Variants in ANKFN1 observed in about 807,000 individuals in gnomAD.
The protein encoded by ANKFN1 is ankyrin repeat and fibronectin type III domain containing 1.
Under a neutral mutation model 108.7 loss-of-function variants are expected in ANKFN1, and 74 were observed. The ratio of observed to expected loss-of-function variants is 0.68; its 90% CI spans 0.56 to 0.83. ANKFN1 has a LOEUF of 0.83. Ranked by LOEUF, ANKFN1 falls within the 40% of genes least tolerant of loss-of-function variation. The probability of loss-of-function intolerance (pLI) is 0.00; values close to 1 mark genes in which losing one functional copy is unlikely to be tolerated. For missense variants in ANKFN1, 1,505 were observed against 1,382.3 expected (o/e 1.09, Z -1.41); for synonymous variants, 547 against 516.2 (o/e 1.06, Z -0.81).
chr17:56,324,495 AC>A (rs564921178), intron 3 of ANKFN1, among the ~76,000 whole-genome samples: 275 of 152,128 alleles, frequency 1.8e-3, no homozygotes, highest in African/African-American at 6.2e-3. Context: ...CTGTGAGGCA[AC>A]CCCCTAACCT....
chr17:56,424,681 C>T (rs2048503573), intron 8 of ANKFN1, among the ~76,000 whole-genome samples: 1 of 152,146 alleles, frequency 6.6e-6, no homozygotes, highest in South Asian at 2.1e-4. Flanking sequence ...TCTGCTTTTG[C>T]CTGACGGAGT....
intron 1 of ANKFN1, among the ~76,000 whole-genome samples, chr17:56,194,713 A>T (rs1401450674): frequency 1.3e-5 from 2 of 152,186 alleles, no homozygotes; most frequent in Admixed American, 6.5e-5. Flanking sequence ...TACAACACTG[A>T]GAGTTAACCC....
chr17:56,200,824 C>T (rs1913992044), intron 1 of ANKFN1, among the ~76,000 whole-genome samples: 1 of 152,196 alleles, frequency 6.6e-6, no homozygotes, highest in Non-Finnish European at 1.5e-5. Context: ...GAAGCAGAGG[C>T]AATCTATTAG....
At chr17:56,225,553 G>A (rs901202420) in intron 2 of ANKFN1, among the ~76,000 whole-genome samples, 1 of 152,168 alleles carries the variant, frequency 6.6e-6, no homozygotes, top group East Asian at 1.9e-4. Context: ...GAGGGGAGGG[G>A]ATGTGTTATT....
Position 56,466,531 on chromosome 17 carries a change from A to C in ANKFN1, c.1733A>C (p.Glu578Ala), listed in dbSNP as rs769767751. The C allele has an allele frequency of 1.2e-6, 2 of 1,613,674 alleles. No individual in the cohort carries two copies. Among genetic ancestry groups the C allele is most frequent in the South Asian group, 2.2e-5 (2 of 91,024 alleles). Residue 578 changes from glutamate to alanine, a missense_variant, in exon 15 of 21, where the codon GAG becomes GCG. Physicochemically the swap from Glu to Ala is moderately radical, Grantham distance 107. Coordinates refer to ENST00000682825, the MANE Select transcript of ANKFN1 (RefSeq NM_001370326.1). The part of the protein sequence containing the change: ...QSQRKSLSTP[E>A]EPTALDILLI... ...CAGAGAAAGTCTCTATCAACACCTGAGGAGCCAACAGCTTTAGACATTCTA... is the reference window on the plus strand; with the variant it reads ...CAGAGAAAGTCTCTATCAACACCTGCGGAGCCAACAGCTTTAGACATTCTA...
chr17:56,466,950 CA>C (rs555950902), intron 15 of ANKFN1, among the ~76,000 whole-genome samples: 15 of 151,764 alleles, frequency 9.9e-5, no homozygotes, highest in Non-Finnish European at 2.1e-4. Flanking sequence ...ACTAAAAATA[CA>C]AAAAAATAAA....
chr17:56,308,564 G>A (rs1017571097), intron 3 of ANKFN1, among the ~76,000 whole-genome samples: 25 of 151,748 alleles, frequency 1.6e-4, no homozygotes, highest in African/African-American at 5.6e-4. Context: ...GCCTTTTATT[G>A]CATTTTCTTG....
chr17:56,375,117 A>G (rs186468063), intron 8 of ANKFN1, among the ~76,000 whole-genome samples: 30 of 152,298 alleles, frequency 2.0e-4, no homozygotes, highest in African/African-American at 7.0e-4. Context: ...AAAGCTAGGT[A>G]ACAGGGTTGG....
chr17:56,420,114 C>T (rs771500636), intron 8 of ANKFN1, among the ~76,000 whole-genome samples: 16 of 152,198 alleles, frequency 1.1e-4, no homozygotes, highest in Admixed American at 5.9e-4. Flanking sequence ...ATTCCCTCTG[C>T]ATGACATGCC....
chr17:56,318,375 G>T (rs1423733961), intron 3 of ANKFN1, among the ~76,000 whole-genome samples: 2 of 152,034 alleles, frequency 1.3e-5, no homozygotes, highest in East Asian at 3.9e-4. Flanking sequence ...TCCTTAAACT[G>T]GGAAAAAGTA....
chr17:56,352,509 T>C (rs2046272704), intron 5 of ANKFN1, among the ~76,000 whole-genome samples: 1 of 152,206 alleles, frequency 6.6e-6, no homozygotes, highest in Non-Finnish European at 1.5e-5. Context: ...GATGTGTAAA[T>C]AATACGTGTG....
chr17:56,494,447 G>C (rs2051133808), intron 19 of ANKFN1, among the ~76,000 whole-genome samples: 1 of 152,052 alleles, frequency 6.6e-6, no homozygotes, highest in Admixed American at 6.6e-5. Flanking sequence ...AGCATAGTAA[G>C]AATAACAACA....
In ANKFN1 at chr17:56,102,535, C is replaced by T. The variant is rs148617400; in HGVS notation, c.288+56210C>T. Among the ~76,000 whole-genome samples, 200 of 152,124 alleles carry T rather than the reference C, an allele frequency of 1.3e-3. 1 individual carries two copies. Among genetic ancestry groups the T allele is most frequent in the African/African-American group, 4.5e-3 (188 of 41,510 alleles). The stretch of plus-strand genomic sequence containing the variant: ...TTCATGAATAGGGAACATCTCATTC[C>T]CTGACAGTGTCATATGAAGCAGTGG... On this transcript the variant is annotated intron_variant, in intron 4 of 12. Transcript: ENST00000635860.
At chr17:56,292,949 A>G (rs1313423992) in intron 3 of ANKFN1, among the ~76,000 whole-genome samples, 1 of 152,226 alleles carries the variant, frequency 6.6e-6, no homozygotes. Flanking sequence ...CCAGTGAAGC[A>G]TCTTTCCTTG....
At chr17:56,293,490 T>G (rs2044421933) in intron 3 of ANKFN1, among the ~76,000 whole-genome samples, 1 of 152,224 alleles carries the variant, frequency 6.6e-6, no homozygotes, top group Admixed American at 6.5e-5. Context: ...CAATGTATTC[T>G]TGCACATATG....
intron 8 of ANKFN1, 122 bp downstream of exon 8, chr17:56,374,836 C>G: frequency 1.3e-6 from 1 of 743,264 alleles, no homozygotes; most frequent in Middle Eastern, 2.5e-4. Context: ...ATCCCATTGA[C>G]TTTTGAAGTT....
Position 56,482,537 on chromosome 17 carries a change from G to A in ANKFN1, c.2260+13G>A. The A allele has an allele frequency of 6.2e-7, 1 of 1,608,226 alleles. No individual in the cohort carries two copies. The highest frequency in any genetic ancestry group is 8.5e-7 in the Non-Finnish European group (1 of 1,177,472). On this transcript the variant is annotated intron_variant, in intron 18 of 20. Coordinates refer to ENST00000682825, the MANE Select transcript of ANKFN1 (RefSeq NM_001370326.1). ...ATGTTTGAACTTGGTATAGTAGCTT[G>A]TTTCACCTAGAAATATTAACCCAGC...
In ANKFN1 at chr17:56,091,461, C is replaced by CAG. The variant is rs1905418451; in HGVS notation, c.288+45139_288+45140dup. 2.1e-5 allele frequency among the ~76,000 whole-genome samples: 3 copies of CAG among 142,568 alleles called. No individual in the cohort carries two copies. In the South Asian group the frequency reaches 6.7e-4, roughly 32 times the overall value. 93.5% of individuals were successfully genotyped at this position (142,568 alleles called of 152,430 possible). Reference sequence around the variant, plus strand: ...ACACACACACACACACACACACACACAGAGTTCATTTCTCAACATTCTTTT... The same window carrying CAG: ...ACACACACACACACACACACACACACAGAGAGTTCATTTCTCAACATTCTTTT... On this transcript the variant is annotated intron_variant, in intron 4 of 12. Transcript: ENST00000635860.
intron 3 of ANKFN1, chr17:56,258,463 G>A (rs138531811): frequency 1.3e-5 from 2 of 152,170 alleles, no homozygotes; most frequent in Admixed American, 1.3e-4. Flanking sequence ...TGGGAAGATG[G>A]TGACAACACG....
Sources: allele counts gnomAD v4.1 joint callset (sites outside exome capture counted in the v4.1 genomes callset), GRCh38; gene constraint gnomAD v4.1.1; transcripts MANE v1.5; gene names NCBI Gene and HGNC (gene_info 2026-07-23, HGNC 2026-07-21).